UGT1A8: variants seen among roughly 807,000 people sequenced by gnomAD.
UGT1A8 encodes UDP-glucuronosyltransferase 1A8.
UGT1A8 carries 39 observed loss-of-function variants against 45.3 expected under a neutral mutation model. That is an observed-to-expected ratio of 0.86 (90% CI 0.67 to 1.12). UGT1A8 has a LOEUF of 1.12. UGT1A8 is among the 50% of genes most tolerant of loss of function. UGT1A8 has a pLI of 0.00. For synonymous variants in UGT1A8, 275 were observed against 249.2 expected (o/e 1.10, Z -0.97); for missense variants, 719 against 664.9 (o/e 1.08, Z -0.90).
intron 1 of UGT1A8, chr2:233,713,399 C>T (rs2076318102): frequency 1.2e-6 from 2 of 1,614,000 alleles, no homozygotes; most frequent in Non-Finnish European, 1.7e-6. Flanking sequence ...ATAATGAGGC[C>T]CTGATCAGGC....
chr2:233,656,761 T>A (rs1444148365), intron 1 of UGT1A8, among the ~76,000 whole-genome samples: 1 of 151,962 alleles, frequency 6.6e-6, no homozygotes, highest in African/African-American at 2.4e-5. Flanking sequence ...GTTTTGAAGG[T>A]TTCTTTGGGG....
At chr2:233,638,338 G>T (rs1168503103) in intron 1 of UGT1A8, among the ~76,000 whole-genome samples, 3 of 151,980 alleles carry the variant, frequency 2.0e-5, no homozygotes, top group Non-Finnish European at 2.9e-5. Context: ...CTGATTACTG[G>T]TAATTAAAAT....
At chr2:233,754,968 C>T in intron 1 of UGT1A8, 3 of 1,303,126 alleles carry the variant, frequency 2.3e-6, no homozygotes, top group Non-Finnish European at 2.1e-6. Context: ...AAAGAACTCC[C>T]TGAAGACCTC....
At position 233,713,511 on chromosome 2, in the gene UGT1A8, A is replaced by G. The variant is rs763014830; in HGVS notation, c.856-53523A>G. On this transcript the variant is annotated intron_variant, in intron 1 of 4. Transcript: ENST00000373450. ...GTCGATTCCTGCTGTGTTTTTCTTG[A>G]GGAACATTCCATGTGATTTAGACTT... 25 of 1,613,762 alleles carry G rather than the reference A, an allele frequency of 1.5e-5. No homozygotes were observed. In the East Asian group the frequency reaches 4.7e-4, roughly 30 times the overall value.
rs34650714 is a variant in UGT1A8 at position 233,767,183 on chromosome 2, C to T, written c.987+18C>T. The T allele has an allele frequency of 6.4e-3, 10,393 of 1,613,868 alleles. 514 individuals carry two copies. The African/African-American group carries it at 0.12, about 18-fold the overall frequency. On this transcript the variant is annotated intron_variant, in intron 2 of 4. Transcript: ENST00000373450. The stretch of plus-strand genomic sequence containing the variant: ...CTCAGACAGTAAGAAGATTCTATAC[C>T]ATGGCCTCATATCTATTTTCACAGG...
At position 233,742,119 on chromosome 2, in the gene UGT1A8, C is replaced by T. The variant is rs142315410; in HGVS notation, c.856-24915C>T. Among the ~76,000 whole-genome samples, 140 of 151,952 alleles carry T rather than the reference C, an allele frequency of 9.2e-4. 4 individuals carry two copies. The highest frequency in any genetic ancestry group is 3.3e-3 in the African/African-American group (138 of 41,214). The stretch of plus-strand genomic sequence containing the variant: ...GACCCACTGCCAAGACCAGCTTGGT[C>T]GTGGAGACCCTAACCCAGCAGCGCT... On this transcript the variant is annotated intron_variant, in intron 1 of 4. Coordinates refer to ENST00000373450, the MANE Select transcript of UGT1A8 (RefSeq NM_019076.5).
intron 1 of UGT1A8, chr2:233,719,118 T>C (rs1175236836): frequency 6.2e-7 from 1 of 1,614,062 alleles, no homozygotes; most frequent in East Asian, 2.2e-5. Flanking sequence ...CACTCAAGGG[T>C]TCTTTGAAAC....
intron 1 of UGT1A8, chr2:233,729,060 A>T: frequency 1.9e-6 from 3 of 1,610,660 alleles, no homozygotes; most frequent in Non-Finnish European, 2.5e-6. Context: ...GGTAATTAAG[A>T]TGAAGAAAGC....
intron 1 of UGT1A8, among the ~76,000 whole-genome samples, chr2:233,628,855 A>G (rs547773087): frequency 6.6e-6 from 1 of 152,220 alleles, no homozygotes; most frequent in East Asian, 1.9e-4. Flanking sequence ...CACTTTTTCC[A>G]TACCTATTGA....
At chr2:233,682,262 T>C in intron 1 of UGT1A8, 1 of 1,614,238 alleles carries the variant, frequency 6.2e-7, no homozygotes, top group African/African-American at 1.3e-5. Context: ...ATTTTCTCTA[T>C]TAACAAGTTC....
At chr2:233,624,126 A>G (rs1045659116) in intron 1 of UGT1A8, among the ~76,000 whole-genome samples, 6 of 152,196 alleles carry the variant, frequency 3.9e-5, no homozygotes, top group South Asian at 2.1e-4. Context: ...TCATTCACCA[A>G]TATGACACAT....
intron 1 of UGT1A8, chr2:233,729,903 G>C (rs2077945503): frequency 6.2e-7 from 1 of 1,613,906 alleles, no homozygotes; most frequent in East Asian, 2.2e-5. Flanking sequence ...TGTTCCGAGG[G>C]GACTTTGTGA....
intron 1 of UGT1A8, among the ~76,000 whole-genome samples, chr2:233,724,153 T>C (rs1193924523): frequency 7.3e-3 from 371 of 51,008 alleles, no homozygotes; most frequent in Admixed American, 0.011. Flanking sequence ...GCTGGCCGGG[T>C]GGGGGGGCTG....
rs1042597 is a variant in UGT1A8 at position 233,618,225 on chromosome 2, C to T, written c.518C>T (p.Ala173Val). The T allele has an allele frequency of 1.7e-5, 27 of 1,613,674 alleles. No individual in the cohort carries two copies. The highest frequency in any genetic ancestry group is 2.2e-5 in the South Asian group (2 of 91,064). Residue 173 changes from alanine (A) to valine (V), a missense_variant, in exon 1 of 5, where the codon GCT (alanine) becomes GTT (valine). By Grantham distance (64) the Ala-to-Val change is moderately conservative. Transcript: ENST00000373450. The stretch of plus-strand genomic sequence containing the variant: ...TCTGTGGTCTTCGCCAGGGGAATAG[C>T]TTGCCACTATCTTGAAGAAGGTGCA... ...LPSVVFARGI[A>V]CHYLEEGAQC...
chr2:233,640,148 A>G (rs1440366923), intron 1 of UGT1A8, among the ~76,000 whole-genome samples: 1 of 152,226 alleles, frequency 6.6e-6, no homozygotes, highest in East Asian at 1.9e-4. Flanking sequence ...TTTGGTTGAC[A>G]AGACTAAGGC....
chr2:233,690,236 A>G (rs2074981656), intron 1 of UGT1A8, among the ~76,000 whole-genome samples: 1 of 152,206 alleles, frequency 6.6e-6, no homozygotes, highest in African/African-American at 2.4e-5. Context: ...TAGATTCAGC[A>G]AATTTCTTAT....
At chr2:233,661,097 T>G (rs1300210630) in intron 1 of UGT1A8, among the ~76,000 whole-genome samples, 1 of 152,132 alleles carries the variant, frequency 6.6e-6, no homozygotes, top group Non-Finnish European at 1.5e-5. Flanking sequence ...TAAAATTTTA[T>G]GTAGATAATC....
intron 1 of UGT1A8, among the ~76,000 whole-genome samples, chr2:233,653,248 CAT>C (rs2073782373): frequency 2.0e-5 from 3 of 152,114 alleles, no homozygotes; most frequent in South Asian, 2.1e-4. Flanking sequence ...ATTTGAAAAA[CAT>C]ATAAAAACAC....
chr2:233,648,021 G>A, intron 1 of UGT1A8: 1 of 1,600,004 alleles, frequency 6.2e-7, no homozygotes, highest in Non-Finnish European at 8.5e-7. Context: ...GGCCAGAGGT[G>A]AGTTGGCAAC....
Sources: gnomAD v4.1 joint callset for allele counts (sites outside exome capture counted in the v4.1 genomes callset) on GRCh38, gnomAD v4.1.1 for gene constraint, MANE v1.5 for transcripts, NCBI Gene and HGNC (gene_info 2026-07-23, HGNC 2026-07-21) for gene names.